Variants in SLC22A9 observed in about 807,000 individuals in gnomAD.
SLC22A9 encodes the protein organic anion transporter 7.
SLC22A9 carries 64 observed loss-of-function variants against 50.1 expected under a neutral mutation model. The ratio of observed to expected loss-of-function variants is 1.28; its 90% confidence interval spans 1.04 to 1.57. The LOEUF is 1.57. SLC22A9 is among the 40% of genes most tolerant of loss of function. The probability of loss-of-function intolerance (pLI) is 0.00; values close to 1 mark genes in which losing one functional copy is unlikely to be tolerated. For synonymous variants in SLC22A9, 261 were observed against 242.5 expected (o/e 1.08, Z -0.71); for missense variants, 757 against 676.1 (o/e 1.12, Z -1.33).
At chr11:63,402,147 T>C (rs945990807) in intron 6 of SLC22A9, among the ~76,000 whole-genome samples, 5 of 152,168 alleles carry the variant, frequency 3.3e-5, no homozygotes, top group African/African-American at 9.6e-5. Flanking sequence ...TTGGTTTTGT[T>C]GCAATTGCTT....
chr11:63,391,048 T>C (rs2014755392), intron 6 of SLC22A9, among the ~76,000 whole-genome samples: 1 of 152,172 alleles, frequency 6.6e-6, no homozygotes, highest in Admixed American at 6.6e-5. Context: ...AAGAAACTTT[T>C]AAACTTCCTT....
At chr11:63,409,068 G>A (rs2015091120) in intron 9 of SLC22A9, among the ~76,000 whole-genome samples, 189 bp downstream of exon 9, 1 of 152,098 alleles carries the variant, frequency 6.6e-6, no homozygotes, top group South Asian at 2.1e-4. Flanking sequence ...ACCCTCTGAG[G>A]CTCTCCAGAT....
chr11:63,393,693 T>C (rs757189158), intron 6 of SLC22A9, among the ~76,000 whole-genome samples: 10 of 152,148 alleles, frequency 6.6e-5, no homozygotes, highest in Non-Finnish European at 1.5e-4. Flanking sequence ...GTTCCCTTTG[T>C]GGGTAACCCG....
chr11:63,382,121 G>T, intron 5 of SLC22A9, 38 bp from the exon 6 acceptor site: 1 of 1,531,472 alleles, frequency 6.5e-7, no homozygotes, highest in South Asian at 1.2e-5. Context: ...ACTCTTTTCT[G>T]ACAACTGTAC....
At chr11:63,407,485 T>G (rs2015060108) in intron 7 of SLC22A9, among the ~76,000 whole-genome samples, 1 of 152,142 alleles carries the variant, frequency 6.6e-6, no homozygotes, top group Non-Finnish European at 1.5e-5. Context: ...CCCTCCAATG[T>G]CATGAGGCTA....
Position 63,371,256 on chromosome 11 carries a change from A to G in SLC22A9, c.506+18A>G. The G allele has an allele frequency of 6.4e-7, 1 of 1,566,672 alleles. No homozygotes were observed. The highest frequency in any genetic ancestry group is 8.8e-7 in the Non-Finnish European group (1 of 1,140,224). On this transcript the variant is annotated intron_variant, in intron 2 of 9. Coordinates refer to ENST00000279178, the MANE Select transcript of SLC22A9 (RefSeq NM_080866.3). The stretch of plus-strand genomic sequence containing the variant: ...TCAGACAGGTGAGTGTGTATGGAAC[A>G]CAGCTCTCTTTAAGGGCATTTTTTA...
At chr11:63,383,588 A>G (rs1001239638) in intron 6 of SLC22A9, among the ~76,000 whole-genome samples, 4 of 152,178 alleles carry the variant, frequency 2.6e-5, no homozygotes, top group Admixed American at 6.6e-5. Flanking sequence ...GTTTCTTCAA[A>G]TGTGCATACA....
chr11:63,371,003 A>T (rs1313542576), intron 1 of SLC22A9, 132 bp from the exon 2 acceptor site: 1 of 613,544 alleles, frequency 1.6e-6, no homozygotes, highest in Non-Finnish European at 2.9e-6. Flanking sequence ...AGGTCAGGTA[A>T]TGCTGAGAAA....
chr11:63,406,671 A>G lies in SLC22A9; in HGVS notation c.1248A>G (p.Leu416=). The G allele has an allele frequency of 6.2e-7, 1 of 1,613,732 alleles. No homozygotes were observed. The highest frequency in any genetic ancestry group is 1.1e-5 in the South Asian group (1 of 91,074). The change falls in exon 7 of 10, where the codon CTA becomes CTG. Residue 416 remains leucine, a synonymous_variant. Coordinates refer to ENST00000279178, the MANE Select transcript of SLC22A9 (RefSeq NM_080866.3). ...CAAGCCAGATGCTTCTCATGTTCCT[A>G]CTGGCAATCTGCCTTCTGGCCATCA... ...RRASQMLLMF[L]LAICLLAIIF...
chr11:63,409,914 A>G lies in SLC22A9; in HGVS notation c.*52A>G. 6.3e-7 allele frequency: 1 copy of G among 1,594,898 alleles called. No individual in the cohort carries two copies. Among genetic ancestry groups the G allele is most frequent in the Non-Finnish European group, 8.6e-7 (1 of 1,163,306 alleles). ...AATGAGCCAGATGAAGGGAACAATC[A>G]GGACTATTCCTAGACACTAGCAAAA... On this transcript the variant is annotated 3_prime_UTR_variant, in exon 10 of 10. Coordinates refer to ENST00000279178, the MANE Select transcript of SLC22A9 (RefSeq NM_080866.3).
chr11:63,397,845 G>C (rs2014886643), intron 6 of SLC22A9, among the ~76,000 whole-genome samples: 3 of 152,114 alleles, frequency 2.0e-5, no homozygotes, highest in Non-Finnish European at 4.4e-5. Context: ...TGGATTTATG[G>C]ACCCCAAGAC....
chr11:63,390,556 C>T (rs574017204), intron 6 of SLC22A9, among the ~76,000 whole-genome samples: 2 of 152,146 alleles, frequency 1.3e-5, no homozygotes, highest in South Asian at 4.2e-4. Context: ...GGTACCAGTG[C>T]CATGCTGTTT....
intron 6 of SLC22A9, among the ~76,000 whole-genome samples, chr11:63,382,708 C>A (rs1477991002): frequency 6.6e-6 from 1 of 152,012 alleles, no homozygotes; most frequent in Non-Finnish European, 1.5e-5. Context: ...GACATGATCG[C>A]AAGCATAGAA....
At position 63,369,853 on chromosome 11, in the gene SLC22A9, C is replaced by T. The variant is rs761776488; in HGVS notation, c.-204C>T. ...ATTTCTTACGTGACTTTAGAGAAAACGGCTACCTATCTGACCCCAAAACGA... is the reference window on the plus strand; with the variant it reads ...ATTTCTTACGTGACTTTAGAGAAAATGGCTACCTATCTGACCCCAAAACGA... On this transcript the variant is annotated 5_prime_UTR_variant, in exon 1 of 10. In the 5' UTR this introduces an upstream ATG that the reference lacks. Coordinates refer to ENST00000279178, the MANE Select transcript of SLC22A9 (RefSeq NM_080866.3). 7 of 505,956 alleles carry T rather than the reference C, an allele frequency of 1.4e-5. No homozygotes were observed. Among genetic ancestry groups the T allele is most frequent in the South Asian group, 7.4e-5 (2 of 27,208 alleles). The allele number at this position is 505,956 out of a possible 1,614,324, so 31.3% of individuals were successfully genotyped here. A position where few individuals can be genotyped will look rare whatever the true frequency, so the allele number is the denominator to read the frequency against.
Position 63,370,217 on chromosome 11 carries a change from T to G in SLC22A9, c.161T>G (p.Leu54Arg). Residue 54 changes from leucine (L) to arginine (R), a missense_variant, in exon 1 of 10, where the codon CTG (leucine) becomes CGG (arginine). Physicochemically the swap from Leu to Arg is moderately radical, Grantham distance 102 (BLOSUM62 -2). Coordinates refer to ENST00000279178, the MANE Select transcript of SLC22A9 (RefSeq NM_080866.3). The stretch of plus-strand genomic sequence containing the variant: ...GGCCATCGCTGCTGGGTCCACATCC[T>G]GGACAATGACACTGTCTCTGACAAT... ...IPGHRCWVHI[L>R]DNDTVSDNDT... The G allele has an allele frequency of 1.2e-6, 2 of 1,614,098 alleles. No homozygotes were observed. Among genetic ancestry groups the G allele is most frequent in the Non-Finnish European group, 1.7e-6 (2 of 1,179,950 alleles).
chr11:63,369,941 G>A lies in SLC22A9; in HGVS notation c.-116G>A. ...GAAGCACAGTCGTCAAGAAGAGAGT[G>A]GGGTCAGGATCAAAACACATTTAGT... On this transcript the variant is annotated 5_prime_UTR_variant, in exon 1 of 10. Coordinates refer to ENST00000279178, the MANE Select transcript of SLC22A9 (RefSeq NM_080866.3). 1 of 1,025,404 alleles carries A rather than the reference G, an allele frequency of 9.8e-7. No homozygotes were observed. The highest frequency in any genetic ancestry group is 1.4e-6 in the Non-Finnish European group (1 of 714,330). 63.5% of individuals were successfully genotyped at this position (1,025,404 alleles called of 1,614,324 possible). A position where few individuals can be genotyped will look rare whatever the true frequency, so the allele number is the denominator to read the frequency against.
chr11:63,388,901 G>T (rs144928586), intron 6 of SLC22A9, among the ~76,000 whole-genome samples: 10 of 152,044 alleles, frequency 6.6e-5, no homozygotes, highest in African/African-American at 1.4e-4. Context: ...GTTCAACCTT[G>T]GTATGCTATT....
At position 63,376,232 on chromosome 11, in the gene SLC22A9, A is replaced by G. The variant is rs146280167; in HGVS notation, c.954+464A>G. ...TTTATGATACATTTAGTGAGGCACTACCTATGCCAGATTCCATTCTTCCCT... is the reference window on the plus strand; with the variant it reads ...TTTATGATACATTTAGTGAGGCACTGCCTATGCCAGATTCCATTCTTCCCT... On this transcript the variant is annotated intron_variant, in intron 5 of 9. Transcript: ENST00000279178. 2.3e-3 allele frequency among the ~76,000 whole-genome samples: 352 copies of G among 152,204 alleles called. 1 individual carries two copies. Among genetic ancestry groups the G allele is most frequent in the African/African-American group, 7.6e-3 (315 of 41,538 alleles).
At chr11:63,399,335 C>G (rs2014915767) in intron 6 of SLC22A9, among the ~76,000 whole-genome samples, 1 of 152,012 alleles carries the variant, frequency 6.6e-6, no homozygotes, top group South Asian at 2.1e-4. Flanking sequence ...TACACCTGCA[C>G]TAGAAATGAA....
Sources: gnomAD v4.1 joint callset for allele counts (sites outside exome capture counted in the v4.1 genomes callset) on GRCh38, gnomAD v4.1.1 for gene constraint, MANE v1.5 for transcripts, NCBI Gene and HGNC (gene_info 2026-07-23, HGNC 2026-07-21) for gene names.